The following PLPP4 variants were observed in gnomAD, a reference collection of about 807,000 sequenced individuals.
PLPP4 encodes phospholipid phosphatase 4.
PLPP4 carries 20 observed loss-of-function variants against 32.2 expected under a neutral mutation model. The observed-to-expected ratio is 0.62, with a 90% CI of 0.44 to 0.90. The LOEUF (loss-of-function observed/expected upper bound fraction) is 0.90. Among genes scored for constraint, PLPP4 ranks in the 40% least tolerant of loss-of-function variants. PLPP4 has a pLI of 0.00. For missense variants in PLPP4, 257 were observed against 353.1 expected (o/e 0.73, Z 2.18); for synonymous variants, 127 against 133.0 (o/e 0.95, Z 0.31).
intron 5 of PLPP4, among the ~76,000 whole-genome samples, chr10:120,544,758 A>G (rs1374632371): frequency 2.0e-5 from 3 of 152,236 alleles, no homozygotes; most frequent in Non-Finnish European, 4.4e-5. Context: ...GAACTTCCAC[A>G]GAGAAAGAAA....
intron 1 of PLPP4, among the ~76,000 whole-genome samples, chr10:120,463,357 C>G (rs1383198023): frequency 6.6e-6 from 1 of 152,116 alleles, no homozygotes; most frequent in African/African-American, 2.4e-5. Flanking sequence ...TTGTTTGAAG[C>G]AAAGAGCTAT....
intron 5 of PLPP4, among the ~76,000 whole-genome samples, chr10:120,555,751 T>C (rs1362188665): frequency 6.6e-6 from 1 of 152,198 alleles, no homozygotes; most frequent in Non-Finnish European, 1.5e-5. Context: ...CTTCAGCAGG[T>C]TTCTTTGCAT....
chr10:120,528,565 T>C (rs994275437), intron 5 of PLPP4, among the ~76,000 whole-genome samples: 4 of 152,290 alleles, frequency 2.6e-5, no homozygotes, highest in Non-Finnish European at 5.9e-5. Flanking sequence ...CAAGATCCCC[T>C]CATGGTTTTT....
intron 5 of PLPP4, among the ~76,000 whole-genome samples, chr10:120,565,361 T>TGTGTGC (rs1848648514): frequency 7.0e-6 from 1 of 142,544 alleles, no homozygotes; most frequent in Non-Finnish European, 1.5e-5. Context: ...TGTGTGTGTG[T>TGTGTGC]GCTGTATGCT....
At chr10:120,551,791 A>G (rs577389999) in intron 5 of PLPP4, among the ~76,000 whole-genome samples, 2 of 152,250 alleles carry the variant, frequency 1.3e-5, no homozygotes, top group Admixed American at 1.3e-4. Flanking sequence ...ATGAGTGTCT[A>G]TGTTTTGGGG....
intron 5 of PLPP4, among the ~76,000 whole-genome samples, chr10:120,543,780 G>A (rs78536674): frequency 0.031 from 4,650 of 152,026 alleles, 210 homozygotes; most frequent in African/African-American, 0.1. Flanking sequence ...ATTCCCCTTC[G>A]CCAAGCCCCT....
intron 6 of PLPP4, among the ~76,000 whole-genome samples, chr10:120,578,934 G>A (rs1279241265): frequency 6.6e-6 from 1 of 152,202 alleles, no homozygotes; most frequent in Non-Finnish European, 1.5e-5. Flanking sequence ...GATTAACAAT[G>A]TGTTTAGCAG....
chr10:120,477,434 G>A (rs529743027), intron 1 of PLPP4, among the ~76,000 whole-genome samples: 89 of 151,028 alleles, frequency 5.9e-4, no homozygotes, highest in African/African-American at 1.0e-3. Flanking sequence ...TGTTCCCATC[G>A]TCAGTTTTTT....
At position 120,512,634 on chromosome 10, in the gene PLPP4, G is replaced by A. The variant is rs548841379; in HGVS notation, c.166-1277G>A. ...AAGAAGAGCTCTTGGCCAACATGGT[G>A]AGACCCCATCTCTGCTAAAAATACA... On this transcript the variant is annotated intron_variant, in intron 2 of 6. Coordinates refer to ENST00000398250, the MANE Select transcript of PLPP4 (RefSeq NM_001030059.3). 7.2e-5 allele frequency among the ~76,000 whole-genome samples: 11 copies of A among 152,208 alleles called. No homozygotes were observed. In the East Asian group the frequency reaches 1.5e-3, roughly 21 times the overall value.
rs747456329 is a variant in PLPP4, at chr10:120,457,284, C to A, written c.-22C>A. On this transcript the variant is annotated 5_prime_UTR_variant, in exon 1 of 7. Coordinates refer to ENST00000398250, the MANE Select transcript of PLPP4 (RefSeq NM_001030059.3). ...CCGCGGAGAGCACCAGCTGACGCCG[C>A]GGGAGCTGCTCCGGCCGCACCATGC... 6.7e-7 allele frequency: 1 copy of A among 1,482,368 alleles called. No individual in the cohort carries two copies. The highest frequency in any genetic ancestry group is 9.0e-7 in the Non-Finnish European group (1 of 1,110,992). The allele number at this position is 1,482,368 out of a possible 1,614,324, so 91.8% of individuals were successfully genotyped here.
intron 5 of PLPP4, among the ~76,000 whole-genome samples, chr10:120,526,136 T>C (rs968386962): frequency 6.6e-6 from 1 of 152,172 alleles, no homozygotes; most frequent in Non-Finnish European, 1.5e-5. Context: ...AAAGCTTCTA[T>C]AGAATTTTTA....
intron 1 of PLPP4, among the ~76,000 whole-genome samples, chr10:120,466,010 C>A (rs970930943): frequency 6.6e-6 from 1 of 151,930 alleles, no homozygotes; most frequent in African/African-American, 2.4e-5. Flanking sequence ...TTTTGGTGAA[C>A]ATCTTATAAT....
Position 120,512,770 on chromosome 10 carries a change from TCCACTGCACTCCA to T in PLPP4, c.166-1140_166-1128del, listed in dbSNP as rs539658203. Reference sequence around the variant, plus strand: ...GGAGGTTGCAGTGAGCGGAGATCACTCCACTGCACTCCAGCCTGGTGACAGAGTGAGACTCTAT... The same window carrying T: ...GGAGGTTGCAGTGAGCGGAGATCACTGCCTGGTGACAGAGTGAGACTCTAT... On this transcript the variant is annotated intron_variant, in intron 2 of 6. Transcript: ENST00000398250. Among the ~76,000 whole-genome samples, 273 of 151,938 alleles carry T rather than the reference TCCACTGCACTCCA, an allele frequency of 1.8e-3. 1 individual carries two copies. The highest frequency in any genetic ancestry group is 6.4e-3 in the African/African-American group (264 of 41,434).
Position 120,583,588 on chromosome 10 carries a change from A to G in PLPP4, c.617-5715A>G, listed in dbSNP as rs570354455. On this transcript the variant is annotated intron_variant, in intron 6 of 6. Coordinates refer to ENST00000398250, the MANE Select transcript of PLPP4 (RefSeq NM_001030059.3). ...CCAAAGAAACCCTTATCTCTCAGCA[A>G]TCGCTTCTCATTTCTCTGTGCCTCA... Among the ~76,000 whole-genome samples the G allele has an allele frequency of 2.4e-4, 37 of 152,294 alleles. 1 individual carries two copies. Among genetic ancestry groups the G allele is most frequent in the African/African-American group, 7.5e-4 (31 of 41,562 alleles).
intron 5 of PLPP4, among the ~76,000 whole-genome samples, chr10:120,538,038 CTCTCTCTCTCTCTCTGTGTG>C (rs1847132703): frequency 2.1e-5 from 1 of 47,998 alleles, no homozygotes; most frequent in Non-Finnish European, 4.6e-5. Context: ...CTCTCTCTCT[CTCTCTCTCTCTCTCTGTGTG>C]TGTGTGTGTG....
intron 1 of PLPP4, among the ~76,000 whole-genome samples, chr10:120,489,969 C>G (rs1844639019): frequency 6.6e-6 from 1 of 152,146 alleles, no homozygotes; most frequent in African/African-American, 2.4e-5. Context: ...GGATACAGCT[C>G]AGACCACAAG....
At chr10:120,520,142 T>C (rs1846090675) in intron 4 of PLPP4, among the ~76,000 whole-genome samples, 1 of 152,204 alleles carries the variant, frequency 6.6e-6, no homozygotes. Flanking sequence ...CACTCAGGAC[T>C]TCCTGCAGCT....
chr10:120,531,588 C>G (rs933341332), intron 5 of PLPP4, among the ~76,000 whole-genome samples: 1 of 151,978 alleles, frequency 6.6e-6, no homozygotes, highest in Non-Finnish European at 1.5e-5. Flanking sequence ...TATATTTAGG[C>G]TTTTCTCTAA....
At chr10:120,473,698 C>T (rs1357143917) in intron 1 of PLPP4, among the ~76,000 whole-genome samples, 2 of 152,120 alleles carry the variant, frequency 1.3e-5, no homozygotes, top group Non-Finnish European at 2.9e-5. Context: ...GGTGAGACTT[C>T]CCCCTCGTTA....
Sources: gnomAD v4.1 joint callset for allele counts (sites outside exome capture counted in the v4.1 genomes callset) on GRCh38, gnomAD v4.1.1 for gene constraint, MANE v1.5 for transcripts, NCBI Gene and HGNC (gene_info 2026-07-23, HGNC 2026-07-21) for gene names.